DCC: variants seen among roughly 807,000 people sequenced by gnomAD.
The protein encoded by DCC is DCC netrin 1 receptor.
Under a neutral mutation model 172.5 loss-of-function variants are expected in DCC, and 58 were observed. That is an observed-to-expected ratio of 0.34 (90% CI 0.27 to 0.42). The LOEUF (loss-of-function observed/expected upper bound fraction) is 0.42. Ranked by LOEUF, DCC falls within the 10% of genes least tolerant of loss-of-function variation. The pLI is 1.00. For synonymous variants in DCC, 709 were observed against 644.5 expected (o/e 1.10, Z -1.52); for missense variants, 1,740 against 1,791.0 (o/e 0.97, Z 0.51).
chr18:53,046,227 T>C (rs1160917895), intron 5 of DCC, among the ~76,000 whole-genome samples: 1 of 151,960 alleles, frequency 6.6e-6, no homozygotes, highest in Admixed American at 6.6e-5. Context: ...CTGTCATTTC[T>C]CAATAAGGTG....
chr18:52,364,135 G>T (rs1984739712), intron 1 of DCC, among the ~76,000 whole-genome samples: 1 of 152,124 alleles, frequency 6.6e-6, no homozygotes, highest in Non-Finnish European at 1.5e-5. Context: ...GCTTAAATAT[G>T]TTTAATATTT....
chr18:53,328,145 G>T (rs117985637), intron 14 of DCC, among the ~76,000 whole-genome samples: 6 of 152,178 alleles, frequency 3.9e-5, no homozygotes, highest in Non-Finnish European at 7.3e-5. Flanking sequence ...GATGGCACAG[G>T]TTGCTTTGAC....
chr18:53,252,200 C>T (rs1342723638), intron 12 of DCC, among the ~76,000 whole-genome samples: 1 of 151,776 alleles, frequency 6.6e-6, no homozygotes, highest in Non-Finnish European at 1.5e-5. Context: ...TGCAAGAAAC[C>T]CCTTGAAATA....
intron 7 of DCC, among the ~76,000 whole-genome samples, chr18:53,143,220 T>G (rs1051726643): frequency 6.6e-6 from 1 of 152,152 alleles, no homozygotes. Flanking sequence ...CCTCACCTCT[T>G]TTTTTAATGG....
intron 2 of DCC, among the ~76,000 whole-genome samples, chr18:52,753,405 G>C (rs748538675): frequency 1.3e-5 from 2 of 152,246 alleles, no homozygotes; most frequent in South Asian, 4.1e-4. Flanking sequence ...ACTGTTTCAA[G>C]TTGACTTACT....
rs187254298 is a variant in DCC, at chr18:53,342,949, A to G, written c.2359+3042A>G. Among the ~76,000 whole-genome samples, 826 of 150,220 alleles carry G rather than the reference A, an allele frequency of 5.5e-3. 6 individuals carry two copies. Among genetic ancestry groups the G allele is most frequent in the Admixed American group, 0.024 (360 of 15,044 alleles). Reference sequence around the variant, plus strand: ...TTTACTATAGTGGATTTATAGATGTATTATATAATGTATATATAGATGTAT... The same window carrying G: ...TTTACTATAGTGGATTTATAGATGTGTTATATAATGTATATATAGATGTAT... On this transcript the variant is annotated intron_variant, in intron 15 of 28. Coordinates refer to ENST00000442544, the MANE Select transcript of DCC (RefSeq NM_005215.4).
chr18:52,744,267 T>C (rs993681526), intron 1 of DCC, among the ~76,000 whole-genome samples: 3 of 152,212 alleles, frequency 2.0e-5, no homozygotes, highest in African/African-American at 7.2e-5. Flanking sequence ...TAATTTTTGT[T>C]CACTAAATCT....
At chr18:53,489,122 A>G (rs966944066) in intron 26 of DCC, among the ~76,000 whole-genome samples, 43 of 152,006 alleles carry the variant, frequency 2.8e-4, no homozygotes, top group Admixed American at 1.3e-4. Flanking sequence ...AGATGTTTTT[A>G]TTTTTTAAAG....
chr18:52,497,280 A>ATATGTGT (rs1307784228), intron 1 of DCC, among the ~76,000 whole-genome samples: 3 of 21,564 alleles, frequency 1.4e-4, no homozygotes, highest in Non-Finnish European at 3.2e-4. Flanking sequence ...AAAAAAAAAA[A>ATATGTGT]ATATATATAT....
intron 1 of DCC, among the ~76,000 whole-genome samples, chr18:52,589,025 A>T (rs1400789424): frequency 6.6e-5 from 10 of 152,206 alleles, no homozygotes; most frequent in Admixed American, 6.5e-4. Flanking sequence ...TTGAATTTGT[A>T]CTTTGAAAAG....
intron 5 of DCC, among the ~76,000 whole-genome samples, chr18:52,996,573 AC>A (rs144735251): frequency 0.012 from 1,781 of 152,090 alleles, 26 homozygotes; most frequent in African/African-American, 0.039. Context: ...TTTTCTCAGT[AC>A]TTTTATGTTG....
chr18:53,508,878 A>C (rs73462960), intron 27 of DCC, among the ~76,000 whole-genome samples: 7,129 of 152,280 alleles, frequency 0.047, 505 homozygotes, highest in African/African-American at 0.15. Flanking sequence ...TGCATTTGAC[A>C]GCCAGGAAGC....
intron 15 of DCC, among the ~76,000 whole-genome samples, chr18:53,343,444 G>T (rs929545457): frequency 4.6e-4 from 70 of 151,622 alleles, no homozygotes; most frequent in African/African-American, 1.6e-3. Context: ...TTAAAATACG[G>T]TGAATTACAT....
chr18:52,684,070 A>G (rs1313580664), intron 1 of DCC, among the ~76,000 whole-genome samples: 1 of 152,138 alleles, frequency 6.6e-6, no homozygotes, highest in African/African-American at 2.4e-5. Context: ...TGACGCTTAA[A>G]AACGATAAGC....
chr18:52,568,538 A>G (rs1004125756), intron 1 of DCC, among the ~76,000 whole-genome samples: 1 of 152,208 alleles, frequency 6.6e-6, no homozygotes, highest in Non-Finnish European at 1.5e-5. Context: ...TGTGTGCTTC[A>G]TAAGTGCTTG....
chr18:52,966,848 C>T (rs1168590274), intron 5 of DCC, among the ~76,000 whole-genome samples: 1 of 152,162 alleles, frequency 6.6e-6, no homozygotes, highest in East Asian at 1.9e-4. Context: ...TAAGCTTTGC[C>T]TTAATTAATA....
intron 5 of DCC, among the ~76,000 whole-genome samples, chr18:53,014,095 A>T (rs1357837528): frequency 6.6e-6 from 1 of 152,082 alleles, no homozygotes. Context: ...CCTTAACAAT[A>T]TATTATTTTT....
At chr18:52,547,427 T>C (rs2032646514) in intron 1 of DCC, among the ~76,000 whole-genome samples, 1 of 152,194 alleles carries the variant, frequency 6.6e-6, no homozygotes, top group Non-Finnish European at 1.5e-5. Flanking sequence ...TTTATTTGAA[T>C]GTGTACCTGC....
chr18:53,027,912 C>T (rs1001582803), intron 5 of DCC, among the ~76,000 whole-genome samples: 3 of 151,800 alleles, frequency 2.0e-5, no homozygotes, highest in Non-Finnish European at 2.9e-5. Context: ...TTCATATGAG[C>T]GAGTAAGGTG....
Sources: allele counts gnomAD v4.1 joint callset (sites outside exome capture counted in the v4.1 genomes callset), GRCh38; gene constraint gnomAD v4.1.1; transcripts MANE v1.5; gene names NCBI Gene and HGNC (gene_info 2026-07-23, HGNC 2026-07-21).